Variants in RNF144A observed in about 807,000 individuals in gnomAD.
RNF144A encodes the protein ring finger protein 144A, also known as E3 ubiquitin-protein ligase RNF144A.
RNF144A carries 11 observed loss-of-function variants against 38.7 expected under a neutral mutation model. That is an observed-to-expected ratio of 0.28 (90% CI 0.18 to 0.47). The LOEUF is 0.47. Ranked by LOEUF, RNF144A falls within the 20% of genes least tolerant of loss-of-function variation. RNF144A has a pLI of 0.99. For synonymous variants in RNF144A, 149 were observed against 143.9 expected, an observed-to-expected ratio of 1.04 and a Z score of -0.25; for missense variants, 316 against 377.2, an observed-to-expected ratio of 0.84 and a Z score of 1.34.
intron 6 of RNF144A, among the ~76,000 whole-genome samples, chr2:7,065,483 T>G (rs1230792852): frequency 6.6e-6 from 1 of 152,244 alleles, no homozygotes; most frequent in Non-Finnish European, 1.5e-5. Flanking sequence ...GGAAAAGAAA[T>G]ATTATCTTTT....
intron 5 of RNF144A, among the ~76,000 whole-genome samples, chr2:7,017,882 C>T (rs938524879): frequency 1.3e-5 from 2 of 152,174 alleles, no homozygotes; most frequent in Non-Finnish European, 2.9e-5. Context: ...TGTCCCTGAC[C>T]TTTTCGATAG....
At chr2:6,946,234 G>A (rs948279770) in intron 2 of RNF144A, among the ~76,000 whole-genome samples, 1 of 152,120 alleles carries the variant, frequency 6.6e-6, no homozygotes, top group Non-Finnish European at 1.5e-5. Context: ...AAGAAATATC[G>A]TGCCTGCTCT....
rs923409570 is a variant in RNF144A at position 6,950,155 on chromosome 2, G to A, written c.-12+9008G>A. The stretch of plus-strand genomic sequence containing the variant: ...AATATCCTGAACCTGCCTTTCAAAC[G>A]AGAGCATCGTTGATGTGAATGGTGC... On this transcript the variant is annotated intron_variant, in intron 2 of 8. Transcript: ENST00000320892. Among the ~76,000 whole-genome samples the A allele has an allele frequency of 2.0e-5, 3 of 152,150 alleles. No individual in the cohort carries two copies. In the East Asian group the frequency reaches 5.8e-4, roughly 29 times the overall value.
Position 7,043,480 on chromosome 2 carries a change from CAAG to C in RNF144A, c.*3721_*3723del. 4.1e-6 allele frequency: 4 copies of C among 985,684 alleles called. No homozygotes were observed. Among genetic ancestry groups the C allele is most frequent in the Non-Finnish European group, 4.8e-6 (4 of 829,886 alleles). 61.1% of individuals were successfully genotyped at this position (985,684 alleles called of 1,614,324 possible). A position where few individuals can be genotyped will look rare whatever the true frequency, so the allele number is the denominator to read the frequency against. On this transcript the variant is annotated 3_prime_UTR_variant, in exon 9 of 9. Transcript: ENST00000320892. ...CACACCTGTGTATATATATAAATCA[CAAG>C]GAGATCATCAAGGGAAAACATTTTG...
At chr2:6,971,648 G>A (rs1489645366) in intron 2 of RNF144A, among the ~76,000 whole-genome samples, 3 of 152,128 alleles carry the variant, frequency 2.0e-5, no homozygotes, top group East Asian at 1.9e-4. Context: ...TATGGGGAGC[G>A]GCAGCACTGC....
At chr2:7,029,394 A>T (rs1672130809) in intron 7 of RNF144A, among the ~76,000 whole-genome samples, 1 of 152,214 alleles carries the variant, frequency 6.6e-6, no homozygotes, top group Admixed American at 6.5e-5. Flanking sequence ...TAGAGAGACC[A>T]ACATGTGTGA....
intron 2 of RNF144A, among the ~76,000 whole-genome samples, chr2:6,965,614 G>C (rs1040971199): frequency 6.6e-5 from 10 of 152,180 alleles, no homozygotes; most frequent in Admixed American, 2.0e-4. Flanking sequence ...CTGCAGGCCC[G>C]TGTGGTGGCG....
intron 2 of RNF144A, among the ~76,000 whole-genome samples, chr2:6,945,162 G>A (rs1666250814): frequency 6.6e-6 from 1 of 152,246 alleles, no homozygotes; most frequent in African/African-American, 2.4e-5. Flanking sequence ...TCTGCTTTTG[G>A]CTAGCTGGCC....
intron 2 of RNF144A, among the ~76,000 whole-genome samples, chr2:6,963,579 C>T (rs1056369100): frequency 1.3e-5 from 2 of 152,090 alleles, no homozygotes; most frequent in African/African-American, 4.8e-5. Flanking sequence ...CAAAAATGAC[C>T]GAACAAAAGA....
At chr2:7,030,357 G>A in intron 8 of RNF144A, 142 bp downstream of exon 8, 1 of 667,636 alleles carries the variant, frequency 1.5e-6, no homozygotes, top group East Asian at 2.7e-5. Flanking sequence ...AGATCTCCTG[G>A]ATAGAAAGAG....
intron 8 of RNF144A, among the ~76,000 whole-genome samples, chr2:7,032,614 C>T (rs566365559): frequency 9.2e-4 from 140 of 152,340 alleles, no homozygotes; most frequent in Middle Eastern, 3.4e-3. Flanking sequence ...TGCAATCCTC[C>T]GTCTTCCTCC....
rs1213869252 is a variant in RNF144A at position 6,933,098 on chromosome 2, C to A, written c.-211-7850C>A. The A allele has an allele frequency of 2.6e-5, 4 of 152,240 alleles. 1 individual carries two copies. Among genetic ancestry groups the A allele is most frequent in the African/African-American group, 9.6e-5 (4 of 41,454 alleles). 9.4% of individuals were successfully genotyped at this position (152,240 alleles called of 1,614,324 possible). ...AGCTTAACTGCGCAGAGCTATACTG[C>A]TTTTTGAAATACTAACTTGCAAGTT... is the stretch of plus-strand genomic sequence containing the variant. On this transcript the variant is annotated intron_variant, in intron 1 of 8. Coordinates refer to ENST00000320892, the MANE Select transcript of RNF144A (RefSeq NM_014746.6).
intron 2 of RNF144A, among the ~76,000 whole-genome samples, chr2:6,949,903 G>A (rs1044198473): frequency 1.3e-5 from 2 of 151,982 alleles, no homozygotes; most frequent in African/African-American, 2.4e-5. Flanking sequence ...TTTAAATTCT[G>A]TACCTTCTTT....
At chr2:6,986,237 G>T (rs1219382460) in intron 2 of RNF144A, among the ~76,000 whole-genome samples, 1 of 151,830 alleles carries the variant, frequency 6.6e-6, no homozygotes, top group East Asian at 1.9e-4. Context: ...CCCAAAGCTT[G>T]CAATAAAACC....
intron 2 of RNF144A, among the ~76,000 whole-genome samples, chr2:6,985,062 C>A (rs1264546410): frequency 6.6e-6 from 1 of 152,138 alleles, no homozygotes; most frequent in Non-Finnish European, 1.5e-5. Flanking sequence ...AAGAGAAAAT[C>A]AAAATAAACT....
intron 6 of RNF144A, among the ~76,000 whole-genome samples, chr2:7,021,382 C>T (rs578037476): frequency 7.2e-5 from 11 of 152,228 alleles, no homozygotes; most frequent in South Asian, 2.1e-4. Flanking sequence ...GCTCCCTGTG[C>T]GCCCCTTTTC....
At chr2:6,921,776 G>T (rs150629398) in intron 1 of RNF144A, among the ~76,000 whole-genome samples, 3 of 152,228 alleles carry the variant, frequency 2.0e-5, no homozygotes, top group Admixed American at 1.3e-4. Flanking sequence ...TGCCTGCTGG[G>T]GCGATGCTGT....
chr2:6,978,011 G>T (rs956094212), intron 2 of RNF144A, among the ~76,000 whole-genome samples: 3 of 152,142 alleles, frequency 2.0e-5, no homozygotes, highest in Non-Finnish European at 4.4e-5. Context: ...TCCTTGGTGG[G>T]TATGTGGTCA....
At chr2:7,073,162 G>A (rs1438910733), downstream of RNF144A, among the ~76,000 whole-genome samples, 1 of 152,090 alleles carries the variant, frequency 6.6e-6, no homozygotes, top group Non-Finnish European at 1.5e-5. Flanking sequence ...CCTTTCCTAG[G>A]GATCCACCCT....
Sources: allele counts gnomAD v4.1 joint callset (sites outside exome capture counted in the v4.1 genomes callset), GRCh38; gene constraint gnomAD v4.1.1; transcripts MANE v1.5; gene names NCBI Gene and HGNC (gene_info 2026-07-23, HGNC 2026-07-21).